Variants in DPP6 observed in about 807,000 individuals in gnomAD.
DPP6 encodes the protein dipeptidyl peptidase like 6.
Under a neutral mutation model 122.6 loss-of-function variants are expected in DPP6, and 69 were observed. The ratio of observed to expected loss-of-function variants is 0.56; its 90% CI spans 0.46 to 0.69. The LOEUF (loss-of-function observed/expected upper bound fraction) is 0.69. Among genes scored for constraint, DPP6 ranks in the 30% least tolerant of loss-of-function variants. DPP6 has a pLI of 0.00. For synonymous variants in DPP6, 418 were observed against 433.1 expected, an observed-to-expected ratio of 0.97 and a Z score of 0.43; for missense variants, 928 against 1,116.9, an observed-to-expected ratio of 0.83 and a Z score of 2.41.
chr7:154,032,654 C>T (rs1363215649), intron 1 of DPP6, among the ~76,000 whole-genome samples: 1 of 151,998 alleles, frequency 6.6e-6, no homozygotes, highest in Non-Finnish European at 1.5e-5. Flanking sequence ...TCTTTGCAAT[C>T]TGACATATTT....
In DPP6 at chr7:153,966,597, A is replaced by T. The variant is rs1186824269; in HGVS notation, c.51+78863A>T. 1.1e-3 allele frequency among the ~76,000 whole-genome samples: 4 copies of T among 3,524 alleles called. 1 individual carries two copies. The highest frequency in any genetic ancestry group is 1.4e-3 in the Non-Finnish European group (3 of 2,088). 2.3% of individuals were successfully genotyped at this position (3,524 alleles called of 152,430 possible). A position where few individuals can be genotyped will look rare whatever the true frequency, so the allele number is the denominator to read the frequency against. On this transcript the variant is annotated intron_variant, in intron 1 of 25. Transcript: ENST00000404039. ...TTTTTTTTTTTTTTTTACTGCATAT[A>T]GCCCTTTTTTTTTAAAAAATTATAC... is the stretch of plus-strand genomic sequence containing the variant.
rs146267479 is a variant in DPP6, at chr7:154,453,931, A to T, written c.358+7603A>T. Among the ~76,000 whole-genome samples, 924 of 152,342 alleles carry T rather than the reference A, an allele frequency of 6.1e-3. 17 individuals carry two copies. The highest frequency in any genetic ancestry group is 0.021 in the African/African-American group (866 of 41,566). The stretch of plus-strand genomic sequence containing the variant: ...TAAAGTCCCACATAATCTCAATGAA[A>T]ATTGCAAAATAGCTTAACAGTCATT... On this transcript the variant is annotated intron_variant, in intron 2 of 25. Transcript: ENST00000377770.
intron 3 of DPP6, among the ~76,000 whole-genome samples, chr7:154,502,347 G>T (rs893204985): frequency 1.3e-5 from 2 of 152,076 alleles, no homozygotes; most frequent in African/African-American, 4.8e-5. Flanking sequence ...GCTAGGGGTG[G>T]AATGATATGA....
At chr7:154,297,935 G>T (rs1805649693) in intron 1 of DPP6, among the ~76,000 whole-genome samples, 1 of 152,174 alleles carries the variant, frequency 6.6e-6, no homozygotes, top group Admixed American at 6.5e-5. Flanking sequence ...TGTCAGCTTG[G>T]CTAGGCCACG....
chr7:154,172,712 C>G (rs1434849660), intron 1 of DPP6, among the ~76,000 whole-genome samples: 1 of 151,468 alleles, frequency 6.6e-6, no homozygotes, highest in Non-Finnish European at 1.5e-5. Context: ...GTGATCCTCC[C>G]ACTTCAGCCT....
At chr7:154,303,690 G>C (rs1258527583) in intron 1 of DPP6, among the ~76,000 whole-genome samples, 1 of 152,162 alleles carries the variant, frequency 6.6e-6, no homozygotes, top group Non-Finnish European at 1.5e-5. Context: ...CACACAGCAA[G>C]GGTTTCACAC....
chr7:154,410,910 GT>G (rs2151205021), intron 1 of DPP6, among the ~76,000 whole-genome samples: 1 of 152,212 alleles, frequency 6.6e-6, no homozygotes, highest in Admixed American at 6.5e-5. Flanking sequence ...GTACAGTTTG[GT>G]TCCCTGAAAA....
intron 1 of DPP6, among the ~76,000 whole-genome samples, chr7:154,387,771 C>A (rs1288186675): frequency 6.6e-6 from 1 of 152,156 alleles, no homozygotes; most frequent in Non-Finnish European, 1.5e-5. Context: ...CGTTCTTCAC[C>A]CCCTTTTATG....
chr7:153,749,374 C>T, the DPP6 span, among the ~76,000 whole-genome samples: 6 of 152,044 alleles, frequency 3.9e-5, no homozygotes, highest in Admixed American at 6.5e-5. The surrounding 1 kb of genome is among the most constrained non-coding windows in gnomAD (Gnocchi z 4.1). Context: ...GAGCCCCTCC[C>T]CCTTTCACAA....
intron 8 of DPP6, among the ~76,000 whole-genome samples, chr7:154,737,008 A>T (rs1164863827): frequency 1.3e-5 from 2 of 152,238 alleles, no homozygotes; most frequent in Non-Finnish European, 2.9e-5. Context: ...AGGATAAAGG[A>T]AAAAACTGGA....
At chr7:153,941,241 C>T (rs1304981792) in intron 1 of DPP6, among the ~76,000 whole-genome samples, 1 of 152,192 alleles carries the variant, frequency 6.6e-6, no homozygotes, top group Non-Finnish European at 1.5e-5. Context: ...TGTAAACCAG[C>T]CACTGTTGGC....
At chr7:154,184,563 C>T (rs1003083675) in intron 1 of DPP6, among the ~76,000 whole-genome samples, 1 of 151,890 alleles carries the variant, frequency 6.6e-6, no homozygotes, top group Non-Finnish European at 1.5e-5. Flanking sequence ...CTCCGACCTC[C>T]GACCGGCAGG....
the DPP6 span, among the ~76,000 whole-genome samples, chr7:153,824,878 G>A: frequency 1.3e-5 from 2 of 151,956 alleles, no homozygotes; most frequent in South Asian, 2.1e-4. Flanking sequence ...GAATTCTAAG[G>A]ACTAGTATCT....
chr7:154,484,746 G>C (rs1823640436), intron 3 of DPP6, among the ~76,000 whole-genome samples: 1 of 152,224 alleles, frequency 6.6e-6, no homozygotes, highest in Non-Finnish European at 1.5e-5. Context: ...TGTTAGCAGA[G>C]AGCCCTCTGT....
At chr7:154,556,118 G>A (rs1830021599) in intron 4 of DPP6, among the ~76,000 whole-genome samples, 1 of 152,072 alleles carries the variant, frequency 6.6e-6, no homozygotes, top group East Asian at 1.9e-4. Context: ...CAAGAACGAC[G>A]TTATATTCAA....
intron 5 of DPP6, among the ~76,000 whole-genome samples, chr7:154,570,685 C>G (rs1240719194): frequency 1.3e-5 from 2 of 152,170 alleles, no homozygotes; most frequent in Non-Finnish European, 2.9e-5. Flanking sequence ...CTTTTTCCTA[C>G]TAAACTCTTC....
At chr7:154,555,572 A>G (rs1296293636) in intron 4 of DPP6, among the ~76,000 whole-genome samples, 1 of 152,110 alleles carries the variant, frequency 6.6e-6, no homozygotes, top group Non-Finnish European at 1.5e-5. Context: ...CATATGTAAC[A>G]AACCTGCATG....
intron 5 of DPP6, among the ~76,000 whole-genome samples, chr7:154,583,703 A>ATATGTCT (rs1303836144): frequency 4.6e-5 from 7 of 152,172 alleles, no homozygotes; most frequent in African/African-American, 1.2e-4. Context: ...ATTCGTGCGC[A>ATATGTCT]CACTGCTGAG....
At chr7:154,220,738 G>A (rs1800256935) in intron 1 of DPP6, among the ~76,000 whole-genome samples, 1 of 152,108 alleles carries the variant, frequency 6.6e-6, no homozygotes, top group South Asian at 2.1e-4. Context: ...CCAGTTTCAG[G>A]TATGTTGTTA....
Sources: gnomAD v4.1 joint callset for allele counts (sites outside exome capture counted in the v4.1 genomes callset) on GRCh38, gnomAD v4.1.1 for gene constraint, Gnocchi (gnomAD v3.1) non-coding constraint, MANE v1.5 for transcripts, NCBI Gene and HGNC (gene_info 2026-07-23, HGNC 2026-07-21) for gene names.